Variants in RUNX2 observed in about 807,000 individuals in gnomAD.
RUNX2 encodes the protein runt-related transcription factor 2.
RUNX2 carries 10 observed loss-of-function variants against 51.7 expected under a neutral mutation model. The ratio of observed to expected loss-of-function variants is 0.19; its 90% CI spans 0.12 to 0.33. The LOEUF (loss-of-function observed/expected upper bound fraction) is 0.33, where lower values mean the gene tolerates loss of function less well. Ranked by LOEUF, RUNX2 falls within the 10% of genes least tolerant of loss-of-function variation. The pLI is 1.00. For missense variants in RUNX2, 562 were observed against 691.3 expected, an observed-to-expected ratio of 0.81 and a Z score of 2.10; for synonymous variants, 276 against 273.6, an observed-to-expected ratio of 1.01 and a Z score of -0.09.
chr6:45,337,322 T>C (rs1158687324), intron 2 of RUNX2, among the ~76,000 whole-genome samples: 1 of 151,728 alleles, frequency 6.6e-6, no homozygotes, highest in Non-Finnish European at 1.5e-5. Context: ...GCCATTGCAT[T>C]TTTCCTGTAC....
At chr6:45,408,105 T>C (rs993289136) in intron 2 of RUNX2, among the ~76,000 whole-genome samples, 11 of 150,102 alleles carry the variant, frequency 7.3e-5, no homozygotes, top group African/African-American at 2.2e-4. Context: ...TTGAAAGAAG[T>C]GGTGCTTTTG....
chr6:45,546,813 G>C lies in RUNX2; in HGVS notation c.1088-14G>C, dbSNP rs762536236. 1.9e-6 allele frequency: 3 copies of C among 1,591,344 alleles called. No individual in the cohort carries two copies. The South Asian group carries it at 3.3e-5, about 18-fold the overall frequency. ...TTACAGATTTTTCCCTCCATCTTCT[G>C]TTATAATTTTTAGGTGCTTCAGAAC... On this transcript the variant is annotated splice_polypyrimidine_tract_variant and intron_variant, in intron 8 of 8. Coordinates refer to ENST00000647337, the MANE Select transcript of RUNX2 (RefSeq NM_001024630.4).
intron 6 of RUNX2, among the ~76,000 whole-genome samples, chr6:45,505,930 A>C (rs1800953958): frequency 6.6e-6 from 1 of 152,208 alleles, no homozygotes; most frequent in South Asian, 2.1e-4. Context: ...GTTGAAACAC[A>C]TGCTGAAGGG....
intron 2 of RUNX2, among the ~76,000 whole-genome samples, chr6:45,329,481 C>A (rs1205044054): frequency 6.6e-6 from 1 of 151,924 alleles, no homozygotes; most frequent in Admixed American, 6.6e-5. Context: ...TTAAAACTTA[C>A]ATGCAACTGC....
intron 2 of RUNX2, among the ~76,000 whole-genome samples, chr6:45,357,902 T>C (rs1399625499): frequency 6.6e-6 from 1 of 152,096 alleles, no homozygotes; most frequent in East Asian, 1.9e-4. Flanking sequence ...AGTATATATA[T>C]ATATAAATAC....
At chr6:45,365,444 ATACT>A (rs1794971349) in intron 2 of RUNX2, 3 of 586,114 alleles carry the variant, frequency 5.1e-6, no homozygotes, top group Non-Finnish European at 8.8e-6. Flanking sequence ...TGATTCACTT[ATACT>A]TAATGTTCTT....
chr6:45,347,922 T>A (rs1057380444), intron 2 of RUNX2, among the ~76,000 whole-genome samples: 3 of 152,056 alleles, frequency 2.0e-5, no homozygotes, highest in Non-Finnish European at 2.9e-5. Context: ...AATGAAAAAA[T>A]TATTTCCCTC....
chr6:45,473,780 G>GTTAT (rs1470595210), intron 5 of RUNX2, among the ~76,000 whole-genome samples: 4 of 152,198 alleles, frequency 2.6e-5, no homozygotes, highest in Non-Finnish European at 5.9e-5. Context: ...CAGAAGAGAT[G>GTTAT]TTATTACAGG....
intron 2 of RUNX2, among the ~76,000 whole-genome samples, chr6:45,352,158 C>T (rs576144849): frequency 6.6e-6 from 1 of 152,266 alleles, no homozygotes; most frequent in East Asian, 1.9e-4. Context: ...AGCAATCTAA[C>T]TAAAAATCCT....
At chr6:45,467,203 T>C (rs1250768050) in intron 5 of RUNX2, among the ~76,000 whole-genome samples, 1 of 152,248 alleles carries the variant, frequency 6.6e-6, no homozygotes, top group Non-Finnish European at 1.5e-5. Context: ...CCTTGGTCTC[T>C]TCCATATCAT....
intron 2 of RUNX2, among the ~76,000 whole-genome samples, chr6:45,378,147 C>T (rs998868185): frequency 6.6e-6 from 1 of 152,160 alleles, no homozygotes; most frequent in African/African-American, 2.4e-5. Flanking sequence ...CCTTCAGGGC[C>T]CGGCTTGGGC....
chr6:45,504,501 G>A (rs898096701), intron 6 of RUNX2, among the ~76,000 whole-genome samples: 2 of 152,170 alleles, frequency 1.3e-5, no homozygotes, highest in Non-Finnish European at 2.9e-5. Context: ...CCATTTGTTT[G>A]TAAACAGTTT....
intron 2 of RUNX2, among the ~76,000 whole-genome samples, chr6:45,344,484 T>C (rs539218301): frequency 6.6e-6 from 1 of 152,058 alleles, no homozygotes; most frequent in African/African-American, 2.4e-5. Context: ...AGATTCTAAA[T>C]ATCCAGTGGA....
chr6:45,525,988 CAA>C (rs1189104091), intron 7 of RUNX2, among the ~76,000 whole-genome samples: 5 of 123,140 alleles, frequency 4.1e-5, no homozygotes, highest in Non-Finnish European at 5.2e-5. Flanking sequence ...ACTCTGTCTC[CAA>C]AAAAAAAAAA....
chr6:45,360,833 T>C (rs941974833), intron 2 of RUNX2, among the ~76,000 whole-genome samples: 5 of 152,188 alleles, frequency 3.3e-5, no homozygotes, highest in African/African-American at 1.2e-4. Flanking sequence ...AGGTAGCTTA[T>C]CCTCAGAAGA....
chr6:45,492,323 A>G (rs1800506429), intron 6 of RUNX2, among the ~76,000 whole-genome samples: 1 of 152,160 alleles, frequency 6.6e-6, no homozygotes, highest in South Asian at 2.1e-4. Flanking sequence ...GGATATTTCT[A>G]CTAATGCTCT....
chr6:45,493,258 C>T (rs761534146), intron 6 of RUNX2, among the ~76,000 whole-genome samples: 2 of 152,068 alleles, frequency 1.3e-5, no homozygotes, highest in Non-Finnish European at 2.9e-5. Flanking sequence ...AACATCTAAA[C>T]ACTAAAGATA....
At chr6:45,534,260 A>G (rs1449708550) in intron 7 of RUNX2, among the ~76,000 whole-genome samples, 2 of 151,970 alleles carry the variant, frequency 1.3e-5, no homozygotes, top group Non-Finnish European at 2.9e-5. Flanking sequence ...TATTGGGGGA[A>G]AAAAGGACAC....
At chr6:45,515,066 A>C (rs989570058) in intron 7 of RUNX2, among the ~76,000 whole-genome samples, 1 of 152,174 alleles carries the variant, frequency 6.6e-6, no homozygotes, top group African/African-American at 2.4e-5. Flanking sequence ...ACAGCTAAAA[A>C]TACTAACCTC....
Sources: gnomAD v4.1 joint callset for allele counts (sites outside exome capture counted in the v4.1 genomes callset) on GRCh38, gnomAD v4.1.1 for gene constraint, MANE v1.5 for transcripts, NCBI Gene and HGNC (gene_info 2026-07-23, HGNC 2026-07-21) for gene names.